CPED1: variants seen among roughly 807,000 people sequenced by gnomAD.
The protein encoded by CPED1 is cadherin like and PC-esterase domain containing 1.
CPED1 carries 114 observed loss-of-function variants against 128.2 expected under a neutral mutation model. The ratio of observed to expected loss-of-function variants is 0.89; its 90% CI spans 0.76 to 1.04. The LOEUF (loss-of-function observed/expected upper bound fraction) is 1.04. Among genes scored for constraint, CPED1 ranks in the 50% least tolerant of loss-of-function variants. The pLI is 0.00. For synonymous variants in CPED1, 462 were observed against 426.7 expected (o/e 1.08, Z -1.02); for missense variants, 1,211 against 1,207.1 (o/e 1.00, Z -0.05).
intron 3 of CPED1, among the ~76,000 whole-genome samples, chr7:121,032,184 C>A (rs1792750390): frequency 6.6e-6 from 1 of 151,898 alleles, no homozygotes; most frequent in African/African-American, 2.4e-5. Context: ...AAGTATATAC[C>A]TAAATCTTAA....
intron 3 of CPED1, among the ~76,000 whole-genome samples, chr7:121,036,514 T>A (rs1240817004): frequency 6.9e-6 from 1 of 143,892 alleles, no homozygotes; most frequent in African/African-American, 2.6e-5. Context: ...TATATTTTTT[T>A]TTTCTTTCTT....
At chr7:121,044,650 C>A (rs34532100) in intron 3 of CPED1, among the ~76,000 whole-genome samples, 1 of 106,038 alleles carries the variant, frequency 9.4e-6, no homozygotes, top group Non-Finnish European at 1.8e-5. Context: ...ACTTTCTGCT[C>A]TTTTTTTTTT....
chr7:121,193,854 T>C (rs1463547852), intron 16 of CPED1, among the ~76,000 whole-genome samples: 1 of 151,816 alleles, frequency 6.6e-6, no homozygotes, highest in East Asian at 1.9e-4. Flanking sequence ...GGTGTAAGAT[T>C]AAGACATGCC....
At chr7:121,090,277 C>T (rs759846906) in intron 5 of CPED1, among the ~76,000 whole-genome samples, 4 of 152,162 alleles carry the variant, frequency 2.6e-5, no homozygotes, top group Non-Finnish European at 4.4e-5. Context: ...GATCTGGCCA[C>T]TTTTATGGGT....
At chr7:121,058,077 G>T (rs1029602041) in intron 4 of CPED1, among the ~76,000 whole-genome samples, 1 of 152,098 alleles carries the variant, frequency 6.6e-6, no homozygotes, top group African/African-American at 2.4e-5. Flanking sequence ...GTTGAGGAAC[G>T]TAAGGAGTTC....
chr7:121,046,735 T>C (rs1793209763), intron 3 of CPED1, 152 bp from the exon 4 acceptor site: 1 of 472,876 alleles, frequency 2.1e-6, no homozygotes, highest in Non-Finnish European at 3.7e-6. Context: ...GAATTTTAGT[T>C]ATTTTACTGA....
At chr7:121,004,030 G>A (rs116805767) in intron 2 of CPED1, among the ~76,000 whole-genome samples, 2,829 of 152,252 alleles carry the variant, frequency 0.019, 89 homozygotes, top group African/African-American at 0.065. Flanking sequence ...ATAAGGCAAC[G>A]TTTCTCTGGG....
intron 22 of CPED1, among the ~76,000 whole-genome samples, chr7:121,292,624 T>C (rs576838110): frequency 2.2e-4 from 34 of 152,250 alleles, no homozygotes; most frequent in African/African-American, 7.7e-4. Context: ...TTCAGCCTTT[T>C]TGTGCTGGCT....
At position 121,061,235 on chromosome 7, in the gene CPED1, A is replaced by G; in HGVS notation, c.541-3003A>G. On this transcript the variant is annotated intron_variant, in intron 4 of 22. Transcript: ENST00000310396. The stretch of plus-strand genomic sequence containing the variant: ...TTGGGATAGAAATCTCTTCTAATGC[A>G]TATTCCCTTTTTCAAAAATTGATCT... The G allele has an allele frequency of 5.3e-6, 5 of 947,584 alleles. No individual in the cohort carries two copies. In the South Asian group the frequency reaches 1.5e-4, roughly 28 times the overall value. The allele number at this position is 947,584 out of a possible 1,614,324, so 58.7% of individuals were successfully genotyped here.
intron 10 of CPED1, among the ~76,000 whole-genome samples, chr7:121,127,481 G>C (rs941042628): frequency 2.0e-5 from 3 of 151,432 alleles, no homozygotes; most frequent in African/African-American, 7.3e-5. Context: ...TGAAAATTAA[G>C]TATAGTGTTC....
chr7:121,228,782 C>T (rs1798075233), intron 16 of CPED1, among the ~76,000 whole-genome samples: 1 of 151,828 alleles, frequency 6.6e-6, no homozygotes, highest in East Asian at 1.9e-4. Flanking sequence ...AAATGTGGAA[C>T]ATGGACCATT....
intron 21 of CPED1, among the ~76,000 whole-genome samples, chr7:121,270,357 T>A (rs1792207919): frequency 6.6e-6 from 1 of 152,154 alleles, no homozygotes; most frequent in African/African-American, 2.4e-5. Flanking sequence ...TTGTTGATAG[T>A]TTCTTTTGCT....
At chr7:121,068,979 A>T (rs183697115) in intron 5 of CPED1, among the ~76,000 whole-genome samples, 96 of 152,238 alleles carry the variant, frequency 6.3e-4, no homozygotes, top group African/African-American at 2.2e-3. Flanking sequence ...TTGAATCTTT[A>T]ATAATGTGCA....
At chr7:121,272,969 A>T (rs1792261583) in intron 22 of CPED1, among the ~76,000 whole-genome samples, 1 of 152,046 alleles carries the variant, frequency 6.6e-6, no homozygotes, top group Non-Finnish European at 1.5e-5. Context: ...TTTTGTCCAT[A>T]CTTTTGAAAG....
intron 18 of CPED1, among the ~76,000 whole-genome samples, chr7:121,258,554 C>T (rs1003003026): frequency 6.6e-6 from 1 of 152,044 alleles, no homozygotes; most frequent in African/African-American, 2.4e-5. Flanking sequence ...GCAAAAGCAT[C>T]TACTCTGAGA....
intron 22 of CPED1, among the ~76,000 whole-genome samples, chr7:121,287,424 G>A (rs1792607663): frequency 6.6e-6 from 1 of 152,118 alleles, no homozygotes; most frequent in African/African-American, 2.4e-5. Flanking sequence ...TGGAAAAGAG[G>A]TTTCCAAAGG....
At chr7:121,239,665 G>A (rs1798341990) in intron 17 of CPED1, among the ~76,000 whole-genome samples, 1 of 152,098 alleles carries the variant, frequency 6.6e-6, no homozygotes, top group African/African-American at 2.4e-5. Flanking sequence ...ACATTACAGA[G>A]TCAGGAATTA....
intron 16 of CPED1, among the ~76,000 whole-genome samples, chr7:121,233,429 G>A (rs922834093): frequency 6.6e-6 from 1 of 152,068 alleles, no homozygotes; most frequent in Non-Finnish European, 1.5e-5. Context: ...TATGCCTACA[G>A]TCCCAGCTAC....
chr7:121,088,101 T>G (rs1395602643), intron 5 of CPED1, among the ~76,000 whole-genome samples: 8 of 152,220 alleles, frequency 5.3e-5, no homozygotes, highest in African/African-American at 1.9e-4. Flanking sequence ...TGACTTCTTA[T>G]CCATCATTCA....
Sources: allele counts gnomAD v4.1 joint callset (sites outside exome capture counted in the v4.1 genomes callset), GRCh38; gene constraint gnomAD v4.1.1; transcripts MANE v1.5; gene names NCBI Gene and HGNC (gene_info 2026-07-23, HGNC 2026-07-21).